WIPF1: variants seen among roughly 807,000 people sequenced by gnomAD.
WIPF1 encodes WAS/WASL interacting protein family member 1, also known as WAS/WASL-interacting protein family member 1.
WIPF1 carries 13 observed loss-of-function variants against 35.4 expected under a neutral mutation model. The ratio of observed to expected loss-of-function variants is 0.37; its 90% CI spans 0.24 to 0.58. WIPF1 has a LOEUF of 0.58. Among genes scored for constraint, WIPF1 ranks in the 20% least tolerant of loss-of-function variants. The pLI, the probability that WIPF1 is intolerant of heterozygous loss-of-function variation, is 0.74. For synonymous variants in WIPF1, 267 were observed against 266.3 expected (o/e 1.00, Z -0.02); for missense variants, 591 against 667.0 (o/e 0.89, Z 1.25).
rs1482483218 is a variant in WIPF1, at chr2:174,604,646, G to C, written c.-38-19035C>G. ...TTCAACATATGAAAAGAGTATTATG[G>C]GGATAGATTATGGGCAATTGCATGG... On this transcript the variant is annotated intron_variant, in intron 1 of 8. Transcript: ENST00000272746. Among the ~76,000 whole-genome samples the C allele has an allele frequency of 3.3e-5, 5 of 152,178 alleles. No individual in the cohort carries two copies. In the East Asian group the frequency reaches 9.6e-4, roughly 29 times the overall value.
chr2:174,628,359 A>T (rs1205240659), intron 1 of WIPF1, among the ~76,000 whole-genome samples: 1 of 152,052 alleles, frequency 6.6e-6, no homozygotes, highest in Non-Finnish European at 1.5e-5. Context: ...TTCACAAAAG[A>T]TCTTCATCCA....
intron 1 of WIPF1, among the ~76,000 whole-genome samples, chr2:174,604,071 T>C (rs1244433976): frequency 6.6e-6 from 1 of 152,208 alleles, no homozygotes; most frequent in Non-Finnish European, 1.5e-5. Flanking sequence ...ACTCAGGTAT[T>C]CCAACGACAG....
intron 5 of WIPF1, chr2:174,570,313 A>C (rs750051165): frequency 7.2e-5 from 11 of 152,246 alleles, no homozygotes; most frequent in Non-Finnish European, 1.3e-4. Context: ...ATGCATTTTA[A>C]AAAGACTGAA....
intron 5 of WIPF1, 56 bp from the exon 6 acceptor site, chr2:174,568,129 G>A: frequency 6.5e-7 from 1 of 1,541,062 alleles, no homozygotes; most frequent in Non-Finnish European, 8.7e-7. Flanking sequence ...CCATTACCGT[G>A]GTCACCATTG....
intron 1 of WIPF1, among the ~76,000 whole-genome samples, chr2:174,609,224 T>G (rs777036979): frequency 6.6e-6 from 1 of 152,246 alleles, no homozygotes; most frequent in Non-Finnish European, 1.5e-5. Flanking sequence ...TCCTGTTACA[T>G]ATTGATGTGG....
At chr2:174,638,889 G>A (rs1687240147) in intron 1 of WIPF1, among the ~76,000 whole-genome samples, 1 of 152,116 alleles carries the variant, frequency 6.6e-6, no homozygotes, top group Non-Finnish European at 1.5e-5. Flanking sequence ...ATATCCTTTG[G>A]ATATATGTAT....
intron 1 of WIPF1, among the ~76,000 whole-genome samples, chr2:174,631,781 T>C (rs558257346): frequency 1.3e-5 from 2 of 152,304 alleles, no homozygotes; most frequent in African/African-American, 4.8e-5. Flanking sequence ...ATGAGTTCAG[T>C]TGTAAAAGTT....
At chr2:174,599,792 A>ACT (rs3049904), upstream of WIPF1, among the ~76,000 whole-genome samples, 207 of 147,970 alleles carry the variant, frequency 1.4e-3, no homozygotes, top group East Asian at 1.8e-3. Context: ...ACACACACAC[A>ACT]CTCTCTCTCT....
chr2:174,574,969 T>A (rs1275336733), intron 4 of WIPF1: 5 of 737,630 alleles, frequency 6.8e-6, no homozygotes, highest in Admixed American at 2.0e-5. Flanking sequence ...AAAAAAAATG[T>A]ACAGGTTACC....
intron 3 of WIPF1, among the ~76,000 whole-genome samples, chr2:174,576,359 C>CT (rs1245819167): frequency 1.3e-5 from 2 of 151,498 alleles, no homozygotes; most frequent in Non-Finnish European, 2.9e-5. Flanking sequence ...ATTAAGCCTG[C>CT]TTTTTTCATT....
chr2:174,595,318 G>T (rs376209574), intron 1 of WIPF1, among the ~76,000 whole-genome samples: 7 of 134,178 alleles, frequency 5.2e-5, no homozygotes, highest in Non-Finnish European at 9.6e-5. Context: ...AAACAGAAAA[G>T]AAAAAGAAAA....
At chr2:174,677,168 T>C (rs915314145) in intron 1 of WIPF1, 3 of 151,656 alleles carry the variant, frequency 2.0e-5, no homozygotes, top group African/African-American at 4.8e-5. Flanking sequence ...AAAAAAGTCA[T>C]CTTATATACA....
chr2:174,591,816 A>C (rs1685622906), intron 1 of WIPF1, among the ~76,000 whole-genome samples: 1 of 152,150 alleles, frequency 6.6e-6, no homozygotes, highest in African/African-American at 2.4e-5. Flanking sequence ...TTTAACACTT[A>C]CATTTAGACA....
chr2:174,585,387 C>A (rs553773615), intron 2 of WIPF1, 136 bp downstream of exon 2: 2 of 903,784 alleles, frequency 2.2e-6, no homozygotes, highest in African/African-American at 3.3e-5. Context: ...TTGGCTTACC[C>A]TGGGCACTGG....
At chr2:174,650,045 A>C (rs771822837) in intron 1 of WIPF1, among the ~76,000 whole-genome samples, 1 of 152,134 alleles carries the variant, frequency 6.6e-6, no homozygotes, top group African/African-American at 2.4e-5. Context: ...TCCCAAGCTG[A>C]TGAAGTAAAG....
At chr2:174,663,936 AG>A (rs1243416131) in intron 1 of WIPF1, among the ~76,000 whole-genome samples, 1 of 152,244 alleles carries the variant, frequency 6.6e-6, no homozygotes, top group Admixed American at 6.5e-5. Flanking sequence ...CAGAGGAAGC[AG>A]CACTAACCTT....
chr2:174,676,113 CTTTT>C (rs1348254839), intron 1 of WIPF1, among the ~76,000 whole-genome samples: 4 of 141,784 alleles, frequency 2.8e-5, no homozygotes, highest in African/African-American at 7.7e-5. Flanking sequence ...CCATGCCTGG[CTTTT>C]TTTTTTTTCT....
In WIPF1 at chr2:174,567,900, T is replaced by G; in HGVS notation, c.1303A>C (p.Thr435Pro). The change falls in exon 6 of 8, where the codon ACA becomes CCA. Residue 435 changes from threonine to proline, a missense_variant. Thr to Pro is a conservative substitution (Grantham distance 38). Around this residue, in one of 3 missense-constraint regions of WIPF1, gnomAD observed 117 missense variants for 149.6 expected, o/e 0.78. Transcript: ENST00000679041. ...TCTTGGAAGCCATTTCTAATAGATG[T>G]TGATGGTGGAGGTGGGGGAGGTGCC... ...AGAPPPPPPSTSIRNGFQDSP... is the reference protein window; with the variant it reads ...AGAPPPPPPSPSIRNGFQDSP... 2.5e-6 allele frequency: 4 copies of G among 1,610,330 alleles called. No homozygotes were observed. The highest frequency in any genetic ancestry group is 3.4e-6 in the Non-Finnish European group (4 of 1,178,020).
intron 1 of WIPF1, among the ~76,000 whole-genome samples, chr2:174,646,367 G>A (rs1687409408): frequency 6.6e-6 from 1 of 152,134 alleles, no homozygotes; most frequent in Non-Finnish European, 1.5e-5. Context: ...CAAACTGCCT[G>A]GGTTCAAATA....
Sources: gnomAD v4.1 joint callset for allele counts (sites outside exome capture counted in the v4.1 genomes callset) on GRCh38, gnomAD v4.1.1 for gene constraint, gnomAD v4.1.1 regional missense constraint, MANE v1.5 for transcripts, NCBI Gene and HGNC (gene_info 2026-07-23, HGNC 2026-07-21) for gene names.